ST7: variants seen among roughly 807,000 people sequenced by gnomAD.
ST7 encodes the protein suppressor of tumorigenicity 7 protein.
In ST7, 28 loss-of-function variants were observed where a neutral mutation model predicts 78.7. The ratio of observed to expected loss-of-function variants is 0.36; its 90% CI spans 0.26 to 0.49. ST7 has a LOEUF of 0.49. ST7 is among the 20% of genes least tolerant of loss of function. The probability of loss-of-function intolerance (pLI) is 0.99; values close to 1 mark genes in which losing one functional copy is unlikely to be tolerated. For missense variants in ST7, 418 were observed against 696.0 expected (o/e 0.60, Z 4.49); for synonymous variants, 247 against 249.6 (o/e 0.99, Z 0.10).
At chr7:117,188,071 G>T (rs1004227567) in intron 10 of ST7, among the ~76,000 whole-genome samples, 4 of 152,074 alleles carry the variant, frequency 2.6e-5, no homozygotes, top group Non-Finnish European at 5.9e-5. Flanking sequence ...TTTCAATTCT[G>T]TGCTGATATT....
chr7:117,179,613 T>G (rs990214053), intron 10 of ST7, among the ~76,000 whole-genome samples: 1 of 151,916 alleles, frequency 6.6e-6, no homozygotes, highest in African/African-American at 2.4e-5. Context: ...CATGGCTTAT[T>G]TGGAGAATTG....
chr7:116,999,808 CT>C (rs71148356), intron 1 of ST7, among the ~76,000 whole-genome samples: 193 of 104,416 alleles, frequency 1.8e-3, no homozygotes, highest in Middle Eastern at 7.1e-3. Context: ...AATTTTCTTT[CT>C]TTTTTTTTTT....
intron 9 of ST7, 80 bp downstream of exon 9, chr7:117,138,612 G>A: frequency 1.9e-6 from 2 of 1,029,794 alleles, no homozygotes; most frequent in East Asian, 2.7e-5. Flanking sequence ...CTGTACCAGT[G>A]ATGGTGTGGT....
At chr7:117,106,080 G>C (rs1488174717) in intron 2 of ST7, among the ~76,000 whole-genome samples, 2 of 151,970 alleles carry the variant, frequency 1.3e-5, no homozygotes, top group Non-Finnish European at 2.9e-5. Flanking sequence ...CTCACTGCAA[G>C]CTCCGCTTCC....
intron 2 of ST7, among the ~76,000 whole-genome samples, chr7:117,109,295 A>T (rs776285087): frequency 9.2e-5 from 14 of 151,998 alleles, no homozygotes; most frequent in Non-Finnish European, 1.9e-4. Flanking sequence ...TGAAGAGATG[A>T]ATAAAATTGA....
intron 1 of ST7, among the ~76,000 whole-genome samples, chr7:117,001,276 T>C (rs1488478690): frequency 6.6e-6 from 1 of 152,234 alleles, no homozygotes; most frequent in African/African-American, 2.4e-5. Flanking sequence ...TGTAGTATTA[T>C]GTAGAAGAAT....
At chr7:117,080,016 T>A (rs1474101372) in intron 1 of ST7, among the ~76,000 whole-genome samples, 2 of 135,262 alleles carry the variant, frequency 1.5e-5, no homozygotes, top group Non-Finnish European at 3.1e-5. Context: ...AGTCTCGCTC[T>A]GTCGCCCAGG....
chr7:117,121,600 T>G (rs1803368887), intron 3 of ST7, among the ~76,000 whole-genome samples: 1 of 152,138 alleles, frequency 6.6e-6, no homozygotes, highest in Non-Finnish European at 1.5e-5. Flanking sequence ...TCCTTCATGT[T>G]TTAGAACTGG....
chr7:116,982,958 G>C (rs991813620), intron 1 of ST7, among the ~76,000 whole-genome samples: 1 of 152,138 alleles, frequency 6.6e-6, no homozygotes, highest in Non-Finnish European at 1.5e-5. Flanking sequence ...GAGTGCAATG[G>C]TGCAGTCTCA....
chr7:117,099,065 AC>A (rs373216460), intron 1 of ST7, among the ~76,000 whole-genome samples: 10,103 of 106,000 alleles, frequency 0.095, 2,064 homozygotes, highest in South Asian at 0.14. Context: ...AAAAAAAAAA[AC>A]AAAAAAAAAA....
intron 15 of ST7, among the ~76,000 whole-genome samples, chr7:117,229,556 C>G (rs1793659596): frequency 6.6e-6 from 1 of 152,184 alleles, no homozygotes; most frequent in Non-Finnish European, 1.5e-5. Flanking sequence ...GACACTTCTC[C>G]CCCTTATCTA....
In ST7 at chr7:117,222,814, G is replaced by A. The variant is rs749611388; in HGVS notation, c.1638+752G>A. The A allele has an allele frequency of 7.6e-6, 11 of 1,441,886 alleles. No individual in the cohort carries two copies. The Admixed American group carries it at 1.7e-4, about 22-fold the overall frequency. The allele number at this position is 1,441,886 out of a possible 1,614,324, so 89.3% of individuals were successfully genotyped here. ...TCAGATTTCAAGGCGAGTGCAATCA[G>A]AAAGGATGATTTCTAACTTGGCTGG... On this transcript the variant is annotated intron_variant, in intron 15 of 15. Coordinates refer to ENST00000323984, the MANE Select transcript of ST7 (RefSeq NM_001369598.1).
rs144103668 is a variant in ST7 at position 117,137,268 on chromosome 7, C to T, written c.865+1033C>T. The T allele has an allele frequency of 2.0e-3, 301 of 152,268 alleles. 1 individual carries two copies. Among genetic ancestry groups the T allele is most frequent in the African/African-American group, 6.1e-3 (255 of 41,566 alleles). The allele number at this position is 152,268 out of a possible 1,614,324, so 9.4% of individuals were successfully genotyped here. A position where few individuals can be genotyped will look rare whatever the true frequency, so the allele number is the denominator to read the frequency against. On this transcript the variant is annotated intron_variant, in intron 8 of 15. Transcript: ENST00000323984. ...CTGCATATACATGAGTATGTCCTCA[C>T]ATGTACCACATCAATTCCTAAGTTT...
chr7:117,196,704 G>C (rs71564583), intron 12 of ST7, among the ~76,000 whole-genome samples: 11 of 107,534 alleles, frequency 1.0e-4, no homozygotes, highest in African/African-American at 3.9e-4. Context: ...CCCCTTATTA[G>C]ATATATGATT....
At position 117,127,092 on chromosome 7, in the gene ST7, A is replaced by G. The variant is rs77082549; in HGVS notation, c.395-2701A>G. Among the ~76,000 whole-genome samples, 88 of 152,004 alleles carry G rather than the reference A, an allele frequency of 5.8e-4. No individual in the cohort carries two copies. In the East Asian group the frequency reaches 0.013, roughly 22 times the overall value. On this transcript the variant is annotated intron_variant, in intron 3 of 15. Coordinates refer to ENST00000323984, the MANE Select transcript of ST7 (RefSeq NM_001369598.1). ...TTAGCAAGTTCATGATGAAGTCCCA[A>G]TCAACTTCTAGTGCATCTTGAGGGC... is the stretch of plus-strand genomic sequence containing the variant.
At chr7:117,011,104 G>C (rs951311817) in intron 1 of ST7, among the ~76,000 whole-genome samples, 2 of 152,186 alleles carry the variant, frequency 1.3e-5, no homozygotes, top group Non-Finnish European at 2.9e-5. Context: ...GAACCCTCTA[G>C]TAGGCAGATC....
At chr7:116,955,052 C>A in intron 1 of ST7, 1 of 465,778 alleles carries the variant, frequency 2.1e-6, no homozygotes, top group Non-Finnish European at 4.4e-6. Flanking sequence ...ATAGGTGCTG[C>A]TCAGCCCTTT....
chr7:116,971,752 G>A (rs1793436020), intron 1 of ST7, among the ~76,000 whole-genome samples: 1 of 152,032 alleles, frequency 6.6e-6, no homozygotes, highest in Admixed American at 6.5e-5. Context: ...CTATGGAGCG[G>A]GCAATATGCA....
chr7:117,203,543 T>TC (rs1811068505), intron 12 of ST7, among the ~76,000 whole-genome samples: 1 of 152,094 alleles, frequency 6.6e-6, no homozygotes, highest in South Asian at 2.1e-4. Flanking sequence ...TGGTTTGGAA[T>TC]CCCCCCTCCT....
Sources: allele counts gnomAD v4.1 joint callset (sites outside exome capture counted in the v4.1 genomes callset), GRCh38; gene constraint gnomAD v4.1.1; transcripts MANE v1.5; gene names NCBI Gene and HGNC (gene_info 2026-07-23, HGNC 2026-07-21).